The following TRPC5 variants were observed in gnomAD, a reference collection of about 807,000 sequenced individuals.
The protein encoded by TRPC5 is short transient receptor potential channel 5.
A neutral mutation model predicts 56.5 loss-of-function variants in TRPC5; 9 were observed. That is an observed-to-expected ratio of 0.16 (90% CI 0.10 to 0.28). TRPC5 has a LOEUF of 0.28. Among genes scored for constraint, TRPC5 ranks in the 10% least tolerant of loss-of-function variants. The pLI, the probability that TRPC5 is intolerant of heterozygous loss-of-function variation, is 1.00. For synonymous variants in TRPC5, 282 were observed against 278.5 expected (o/e 1.01, Z -0.13); for missense variants, 469 against 748.9 (o/e 0.63, Z 4.36).
intron 1 of TRPC5, among the ~76,000 whole-genome samples, chrX:111,983,487 T>C (rs1474140973): frequency 9.4e-6 from 1 of 106,073 alleles, no homozygotes; most frequent in Non-Finnish European, 1.9e-5. Flanking sequence ...AATCTTCACT[T>C]TTTTGCCCAT....
At chrX:111,847,012 G>C (rs1409799746) in intron 6 of TRPC5, 102 bp downstream of exon 6, 10 of 881,437 alleles carry the variant, frequency 1.1e-5, no homozygotes, top group Non-Finnish European at 3.1e-6. Flanking sequence ...ACAGTCAAGT[G>C]GCAGTGATGA....
At chrX:111,930,531 G>T (rs1360190385) in intron 2 of TRPC5, among the ~76,000 whole-genome samples, 3 of 110,911 alleles carry the variant, frequency 2.7e-5, no homozygotes, top group African/African-American at 6.6e-5. Flanking sequence ...AACCCGGGAG[G>T]CTGGGGTTGC....
At chrX:111,891,867 G>A (rs1422870974) in intron 3 of TRPC5, among the ~76,000 whole-genome samples, 2 of 112,218 alleles carry the variant, frequency 1.8e-5, no homozygotes, top group Non-Finnish European at 3.8e-5. Context: ...ATTATTATAA[G>A]TTAATGTATG....
intron 1 of TRPC5, among the ~76,000 whole-genome samples, chrX:112,005,653 G>A (rs982830625): frequency 9.1e-6 from 1 of 110,289 alleles, no homozygotes; most frequent in African/African-American, 3.3e-5. Flanking sequence ...TGGATGGGAA[G>A]GAACTGGGAG....
chrX:112,034,485 T>A (rs1929675823), intron 1 of TRPC5, among the ~76,000 whole-genome samples: 1 of 110,862 alleles, frequency 9.0e-6, no homozygotes, highest in South Asian at 3.8e-4. Flanking sequence ...TATGTTGATT[T>A]TTGTTCTGAA....
intron 1 of TRPC5, among the ~76,000 whole-genome samples, chrX:112,054,061 C>A (rs1426019144): frequency 8.9e-6 from 1 of 112,005 alleles, no homozygotes; most frequent in African/African-American, 3.2e-5. Context: ...AAGATACATT[C>A]CATATTCTTC....
At chrX:112,030,878 C>G (rs981899776) in intron 1 of TRPC5, among the ~76,000 whole-genome samples, 2 of 111,428 alleles carry the variant, frequency 1.8e-5, no homozygotes, top group Non-Finnish European at 1.9e-5. Flanking sequence ...ACTGTGTGCC[C>G]AGCTTTGTGC....
intron 7 of TRPC5, among the ~76,000 whole-genome samples, chrX:111,794,899 C>A (rs1393614074): frequency 3.6e-5 from 4 of 111,354 alleles, no homozygotes; most frequent in South Asian, 7.6e-4. Flanking sequence ...GAGGGGGACA[C>A]AAAACATTCA....
intron 1 of TRPC5, among the ~76,000 whole-genome samples, chrX:112,052,303 T>A (rs193133679): frequency 9.0e-6 from 1 of 111,579 alleles, no homozygotes; most frequent in Non-Finnish European, 1.9e-5. Flanking sequence ...CTGTTTTTTT[T>A]TAAATTAGCC....
intron 6 of TRPC5, among the ~76,000 whole-genome samples, chrX:111,838,187 A>G (rs1489381343): frequency 1.8e-5 from 2 of 111,815 alleles, no homozygotes; most frequent in African/African-American, 6.5e-5. Flanking sequence ...CGTTATGGAT[A>G]AAATTGTACA....
chrX:111,888,892 G>A (rs757338443), intron 3 of TRPC5, among the ~76,000 whole-genome samples: 17 of 110,703 alleles, frequency 1.5e-4, no homozygotes, highest in Admixed American at 1.4e-3. Flanking sequence ...ATATCCTGGC[G>A]GATTGACTGT....
chrX:111,920,630 T>C (rs1357293043), intron 2 of TRPC5, among the ~76,000 whole-genome samples: 3 of 111,820 alleles, frequency 2.7e-5, no homozygotes, highest in Non-Finnish European at 5.6e-5. Flanking sequence ...GTTACTAATA[T>C]TGATAACAAT....
intron 2 of TRPC5, among the ~76,000 whole-genome samples, chrX:111,935,104 C>G (rs1926529487): frequency 8.9e-6 from 1 of 111,904 alleles, no homozygotes; most frequent in Non-Finnish European, 1.9e-5. Flanking sequence ...TACAAGGGCT[C>G]CCTTTTCTCC....
chrX:111,999,103 C>T (rs1041784133), intron 1 of TRPC5, among the ~76,000 whole-genome samples: 32 of 110,714 alleles, frequency 2.9e-4, no homozygotes, highest in African/African-American at 1.1e-3. Context: ...TGTGCCCCAA[C>T]CCCTGACAGT....
At chrX:111,795,826 G>A (rs991935261) in intron 7 of TRPC5, among the ~76,000 whole-genome samples, 4 of 110,948 alleles carry the variant, frequency 3.6e-5, no homozygotes, top group Non-Finnish European at 7.6e-5. Flanking sequence ...TTCCTCCTGG[G>A]ACATCCATTA....
rs149932369 is a variant in TRPC5 at position 111,805,742 on chromosome X, C to T, written c.1897-23604G>A. The stretch of plus-strand genomic sequence containing the variant: ...AGGCTGGAGTGCAGTGGTGCTATCT[C>T]AGCTTACTGCAACCTCACCTCCCAG... On this transcript the variant is annotated intron_variant, in intron 7 of 10. Transcript: ENST00000262839. Among the ~76,000 whole-genome samples, 7 of 111,227 alleles carry T rather than the reference C, an allele frequency of 6.3e-5. No homozygotes were observed. In the East Asian group the frequency reaches 2.0e-3, roughly 31 times the overall value.
intron 2 of TRPC5, among the ~76,000 whole-genome samples, chrX:111,922,316 C>T (rs5943223): frequency 0.3 from 33,081 of 110,944 alleles, 6,704 homozygotes; most frequent in African/African-American, 0.74. Flanking sequence ...ACCTCTCCAA[C>T]TGGCACTTCC....
At chrX:111,825,168 TTTC>T (rs2148572572) in intron 7 of TRPC5, among the ~76,000 whole-genome samples, 1 of 78,650 alleles carries the variant, frequency 1.3e-5, no homozygotes, top group South Asian at 7.0e-4. Flanking sequence ...TCTTTCTTTC[TTTC>T]TTTCTTTCTT....
chrX:111,959,307 G>A (rs1454575191), intron 1 of TRPC5, among the ~76,000 whole-genome samples: 1 of 111,862 alleles, frequency 8.9e-6, no homozygotes, highest in African/African-American at 3.2e-5. Context: ...TAGGAACAGA[G>A]TTATTTATAC....
Sources: allele counts gnomAD v4.1 joint callset (sites outside exome capture counted in the v4.1 genomes callset), GRCh38; gene constraint gnomAD v4.1.1; transcripts MANE v1.5; gene names NCBI Gene and HGNC (gene_info 2026-07-23, HGNC 2026-07-21).